The following ITFG1 variants were observed in gnomAD, a reference collection of about 807,000 sequenced individuals.
ITFG1 encodes integrin alpha FG-GAP repeat containing 1, also known as T-cell immunomodulatory protein.
ITFG1 carries 34 observed loss-of-function variants against 81.8 expected under a neutral mutation model. The ratio of observed to expected loss-of-function variants is 0.42; its 90% CI spans 0.32 to 0.55. The LOEUF (loss-of-function observed/expected upper bound fraction) is 0.55, where lower values mean the gene tolerates loss of function less well. ITFG1 is among the 20% of genes least tolerant of loss of function. ITFG1 has a pLI of 0.17. For synonymous variants in ITFG1, 285 were observed against 270.6 expected (o/e 1.05, Z -0.52); for missense variants, 672 against 755.4 (o/e 0.89, Z 1.29).
chr16:47,347,185 C>G (rs765347352), intron 8 of ITFG1, among the ~76,000 whole-genome samples: 6 of 152,212 alleles, frequency 3.9e-5, no homozygotes, highest in African/African-American at 1.4e-4. Context: ...TGGGGCTTGT[C>G]GGACAGTGGG....
At chr16:47,414,299 A>G (rs943168737) in intron 6 of ITFG1, among the ~76,000 whole-genome samples, 1 of 151,528 alleles carries the variant, frequency 6.6e-6, no homozygotes, top group Admixed American at 6.6e-5. Context: ...ACAAGTGGGC[A>G]GATCACTTGA....
chr16:47,238,336 C>T (rs1596826845), intron 12 of ITFG1: 1 of 177,116 alleles, frequency 5.6e-6, no homozygotes, highest in East Asian at 1.5e-4. Context: ...GACTTAGATT[C>T]TGACAGAGGG....
intron 8 of ITFG1, among the ~76,000 whole-genome samples, chr16:47,348,851 C>T (rs1371044385): frequency 6.6e-6 from 1 of 152,218 alleles, no homozygotes; most frequent in Non-Finnish European, 1.5e-5. Flanking sequence ...ATCAGACTAA[C>T]AGCGGATCTC....
Position 47,394,804 on chromosome 16 carries a change from C to T in ITFG1, c.656-18864G>A, listed in dbSNP as rs1968574627. 3.9e-5 allele frequency among the ~76,000 whole-genome samples: 6 copies of T among 152,054 alleles called. No homozygotes were observed. The South Asian group carries it at 1.0e-3, about 26-fold the overall frequency. ...GATTCCTATGAATGGTATCTGAGAT[C>T]CTGAGTGCAAAGGGTGAAATGAGAT... On this transcript the variant is annotated intron_variant, in intron 6 of 17. Transcript: ENST00000320640.
intron 13 of ITFG1, among the ~76,000 whole-genome samples, chr16:47,237,057 CA>C (rs1965885443): frequency 6.6e-6 from 1 of 152,252 alleles, no homozygotes; most frequent in Non-Finnish European, 1.5e-5. Context: ...ATCCTAGCTC[CA>C]GAGCTCCCCA....
At chr16:47,192,643 T>C (rs1430756818) in intron 14 of ITFG1, among the ~76,000 whole-genome samples, 1 of 152,208 alleles carries the variant, frequency 6.6e-6, no homozygotes, top group Non-Finnish European at 1.5e-5. Flanking sequence ...GAGTTGGGTA[T>C]TTCACTTCTC....
intron 10 of ITFG1, among the ~76,000 whole-genome samples, chr16:47,302,325 T>G (rs1377741020): frequency 6.6e-6 from 1 of 152,144 alleles, no homozygotes; most frequent in Non-Finnish European, 1.5e-5. Flanking sequence ...AATACTTCAG[T>G]TAAAAGAAGT....
At chr16:47,393,088 G>A (rs563947580) in intron 6 of ITFG1, among the ~76,000 whole-genome samples, 1 of 152,214 alleles carries the variant, frequency 6.6e-6, no homozygotes, top group Non-Finnish European at 1.5e-5. Context: ...CCAGCTAGTA[G>A]AGGGAGGAGA....
chr16:47,171,025 G>A (rs1443321679), intron 14 of ITFG1, among the ~76,000 whole-genome samples: 1 of 128,004 alleles, frequency 7.8e-6, no homozygotes, highest in African/African-American at 2.8e-5. Context: ...ATGAGCCACT[G>A]TGCCTTTTTT....
At chr16:47,448,847 A>C (rs942426000) in intron 5 of ITFG1, 1 of 152,126 alleles carries the variant, frequency 6.6e-6, no homozygotes, top group Non-Finnish European at 1.5e-5. Context: ...GTAATATGGC[A>C]CATTATTACA....
intron 5 of ITFG1, chr16:47,449,213 T>C (rs1483751826): frequency 3.9e-5 from 6 of 152,242 alleles, no homozygotes; most frequent in African/African-American, 1.4e-4. Flanking sequence ...TCAAATTCAA[T>C]TAAAGATAAT....
At chr16:47,285,831 A>G (rs140999234) in intron 10 of ITFG1, among the ~76,000 whole-genome samples, 20 of 152,318 alleles carry the variant, frequency 1.3e-4, no homozygotes, top group East Asian at 1.2e-3. Context: ...CACGCGTTAT[A>G]ATAATATTGC....
chr16:47,160,116 T>G (rs1196159737), intron 16 of ITFG1, among the ~76,000 whole-genome samples: 1 of 151,874 alleles, frequency 6.6e-6, no homozygotes, highest in Non-Finnish European at 1.5e-5. Flanking sequence ...AAACAGTTCT[T>G]TTATGAGATG....
At chr16:47,184,150 G>C (rs148428892) in intron 14 of ITFG1, among the ~76,000 whole-genome samples, 2,348 of 152,298 alleles carry the variant, frequency 0.015, 66 homozygotes, top group African/African-American at 0.054. Flanking sequence ...ATCTACGTGT[G>C]ACTGGTGTAC....
intron 10 of ITFG1, among the ~76,000 whole-genome samples, chr16:47,302,654 A>T (rs1291192206): frequency 6.6e-6 from 1 of 152,224 alleles, no homozygotes; most frequent in East Asian, 1.9e-4. Context: ...AGATAAATAA[A>T]GCCTAATTTA....
intron 8 of ITFG1, among the ~76,000 whole-genome samples, chr16:47,341,605 G>C (rs1596911316): frequency 6.6e-6 from 1 of 151,700 alleles, no homozygotes; most frequent in East Asian, 1.9e-4. Context: ...GATGAGGAAA[G>C]AAAACAATAA....
intron 8 of ITFG1, among the ~76,000 whole-genome samples, chr16:47,316,776 CTTTTAACA>C (rs1478877415): frequency 2.0e-5 from 3 of 152,122 alleles, no homozygotes; most frequent in African/African-American, 7.2e-5. Context: ...GAAGAAAGTA[CTTTTAACA>C]TGGGAAAAAT....
chr16:47,411,338 G>A (rs982594594), intron 6 of ITFG1, among the ~76,000 whole-genome samples: 1 of 152,160 alleles, frequency 6.6e-6, no homozygotes, highest in East Asian at 1.9e-4. Flanking sequence ...CAACCCCAGT[G>A]ATTTGGGGGC....
chr16:47,401,255 G>A (rs1316968260), intron 6 of ITFG1, among the ~76,000 whole-genome samples: 4 of 152,156 alleles, frequency 2.6e-5, no homozygotes, highest in African/African-American at 4.8e-5. Flanking sequence ...ACTAGGATAG[G>A]AAACAGCAGA....
Sources: gnomAD v4.1 joint callset for allele counts (sites outside exome capture counted in the v4.1 genomes callset) on GRCh38, gnomAD v4.1.1 for gene constraint, MANE v1.5 for transcripts, NCBI Gene and HGNC (gene_info 2026-07-23, HGNC 2026-07-21) for gene names.